The following DPT variants were observed in gnomAD, a reference collection of about 807,000 sequenced individuals.
The protein encoded by DPT is tyrosine-rich acidic matrix protein.
In DPT, 21 loss-of-function variants were observed where a neutral mutation model predicts 31.2. The ratio of observed to expected loss-of-function variants is 0.67; its 90% confidence interval spans 0.48 to 0.97. The LOEUF (loss-of-function observed/expected upper bound fraction) is 0.97. Ranked by LOEUF, DPT falls within the 50% of genes least tolerant of loss-of-function variation. The pLI, the probability that DPT is intolerant of heterozygous loss-of-function variation, is 0.00. For missense variants in DPT, 262 were observed against 258.8 expected, an observed-to-expected ratio of 1.01 and a Z score of -0.08; for synonymous variants, 91 against 86.9, an observed-to-expected ratio of 1.05 and a Z score of -0.26.
At chr1:168,706,806 C>G (rs1246319067) in intron 2 of DPT, among the ~76,000 whole-genome samples, 1 of 152,228 alleles carries the variant, frequency 6.6e-6, no homozygotes, top group Admixed American at 6.5e-5. Flanking sequence ...CCAAATTGCT[C>G]TCTTGGAACT....
chr1:168,728,943 T>A lies in DPT; in HGVS notation c.232A>T (p.Met78Leu). ...TCCCCGAGGCTCTGTGGCGTGGGCA[T>A]GCAGGCGTAGTTCCATTGTCTGTCA... ...GSDRQWNYAC[M>L]PTPQSLGEPT... Residue 78 changes from methionine to leucine, a missense_variant, in exon 1 of 4, where the codon ATG (methionine) becomes TTG (leucine). Transcript: ENST00000367817. 6.2e-7 allele frequency: 1 copy of A among 1,614,212 alleles called. No individual in the cohort carries two copies. Among genetic ancestry groups the A allele is most frequent in the Non-Finnish European group, 8.5e-7 (1 of 1,180,038 alleles).
At chr1:168,699,143 T>C (rs1211369290) in intron 3 of DPT, among the ~76,000 whole-genome samples, 1 of 152,220 alleles carries the variant, frequency 6.6e-6, no homozygotes, top group Non-Finnish European at 1.5e-5. Flanking sequence ...GATGGCACTC[T>C]TCCTTTACTG....
intron 1 of DPT, among the ~76,000 whole-genome samples, chr1:168,721,109 A>G (rs1462599012): frequency 6.6e-6 from 1 of 152,226 alleles, no homozygotes; most frequent in Non-Finnish European, 1.5e-5. Flanking sequence ...GGTACCAAAG[A>G]CAGAGGAGCA....
chr1:168,716,439 G>T (rs1649987946), intron 1 of DPT, among the ~76,000 whole-genome samples: 3 of 151,786 alleles, frequency 2.0e-5, no homozygotes, highest in Admixed American at 2.0e-4. Context: ...CAGTAATGCA[G>T]GTTAAGGTGT....
intron 2 of DPT, among the ~76,000 whole-genome samples, chr1:168,702,667 A>G (rs1290627107): frequency 7.1e-6 from 1 of 141,772 alleles, no homozygotes; most frequent in Non-Finnish European, 1.5e-5. Context: ...GCTGTTGCAC[A>G]CTGGTGCAAT....
chr1:168,711,242 G>A (rs991511319), intron 2 of DPT, among the ~76,000 whole-genome samples: 2 of 151,042 alleles, frequency 1.3e-5, no homozygotes, highest in East Asian at 3.9e-4. Flanking sequence ...GCATGGTCTC[G>A]ATCTCCTGAC....
chr1:168,707,971 G>T (rs1173000419), intron 2 of DPT, among the ~76,000 whole-genome samples: 1 of 151,996 alleles, frequency 6.6e-6, no homozygotes, highest in Non-Finnish European at 1.5e-5. Context: ...CATCTGCAGG[G>T]GATTGATTCC....
At chr1:168,724,371 C>T (rs766005888) in intron 1 of DPT, among the ~76,000 whole-genome samples, 1 of 152,176 alleles carries the variant, frequency 6.6e-6, no homozygotes, top group African/African-American at 2.4e-5. Context: ...GGCCTCCTTG[C>T]GGAGGGCCGT....
chr1:168,712,436 C>T (rs1314276713), intron 2 of DPT, among the ~76,000 whole-genome samples: 1 of 152,232 alleles, frequency 6.6e-6, no homozygotes, highest in African/African-American at 2.4e-5. Context: ...GAAAGTTATA[C>T]TAATGTAGTA....
At position 168,696,152 on chromosome 1, in the gene DPT, T is replaced by G. The variant is rs1649460354; in HGVS notation, c.*397A>C. ...AGGCTTAGCTGTAGAGAACCTTCAC[T>G]GCACCTCTCCTCCAGTTCTGCCTCT... On this transcript the variant is annotated 3_prime_UTR_variant, in exon 4 of 4. Coordinates refer to ENST00000367817, the MANE Select transcript of DPT (RefSeq NM_001937.5). The G allele has an allele frequency of 4.8e-6, 2 of 417,488 alleles. No homozygotes were observed. 25.9% of individuals were successfully genotyped at this position (417,488 alleles called of 1,614,324 possible). A position where few individuals can be genotyped will look rare whatever the true frequency, so the allele number is the denominator to read the frequency against.
chr1:168,703,418 C>A (rs586318), intron 2 of DPT, among the ~76,000 whole-genome samples: 95,575 of 152,132 alleles, frequency 0.63, 31,638 homozygotes, highest in African/African-American at 0.85. Context: ...AATGTTATTT[C>A]ATGCTTTCTT....
intron 2 of DPT, among the ~76,000 whole-genome samples, chr1:168,707,683 G>T (rs371943050): frequency 1.3e-5 from 2 of 152,168 alleles, no homozygotes; most frequent in Admixed American, 1.3e-4. Context: ...TAATCAAGAG[G>T]ACGGTCACTC....
intron 1 of DPT, among the ~76,000 whole-genome samples, chr1:168,728,034 G>A (rs1468771384): frequency 6.6e-6 from 1 of 152,134 alleles, no homozygotes; most frequent in Non-Finnish European, 1.5e-5. Flanking sequence ...CAGCCTAGCA[G>A]TCAGTGCCTA....
Position 168,714,271 on chromosome 1 carries a change from C to A in DPT, c.381G>T (p.Glu127Asp), listed in dbSNP as rs765013846. ...TGTAGCGACAACAGTAAAACTGCCACTCCCGATCCAGCACTGACTCGAAGT... is the reference window on the plus strand; with the variant it reads ...TGTAGCGACAACAGTAAAACTGCCAATCCCGATCCAGCACTGACTCGAAGT... ...SRYFESVLDR[E>D]WQFYCCRYSK... The change falls in exon 2 of 4, where the codon GAG (glutamate) becomes GAT (aspartate). Residue 127 changes from glutamate (E) to aspartate (D), a missense_variant. By Grantham distance (45) the Glu-to-Asp change is conservative. Coordinates refer to ENST00000367817, the MANE Select transcript of DPT (RefSeq NM_001937.5). 5 of 1,613,978 alleles carry A rather than the reference C, an allele frequency of 3.1e-6. No homozygotes were observed. The highest frequency in any genetic ancestry group is 4.2e-6 in the Non-Finnish European group (5 of 1,180,006).
At chr1:168,700,890 C>T (rs1014690573) in intron 3 of DPT, 127 bp downstream of exon 3, 15 of 540,050 alleles carry the variant, frequency 2.8e-5, no homozygotes, top group South Asian at 4.5e-5. Flanking sequence ...TTGTATTCTA[C>T]GTGTGTGTGT....
In DPT at chr1:168,695,951, C is replaced by G. The variant is rs151333980; in HGVS notation, c.*598G>C. On this transcript the variant is annotated 3_prime_UTR_variant, in exon 4 of 4. Coordinates refer to ENST00000367817, the MANE Select transcript of DPT (RefSeq NM_001937.5). Reference sequence around the variant, plus strand: ...AATCCTTCCAACCCTGTTTTCAGCTCTGCCTCCAAACCCTTCCATTTCCCC... The same window carrying G: ...AATCCTTCCAACCCTGTTTTCAGCTGTGCCTCCAAACCCTTCCATTTCCCC... 243 of 380,844 alleles carry G rather than the reference C, an allele frequency of 6.4e-4. 1 individual carries two copies. Among genetic ancestry groups the G allele is most frequent in the African/African-American group, 4.6e-3 (221 of 48,440 alleles). 23.6% of individuals were successfully genotyped at this position (380,844 alleles called of 1,614,324 possible). A position where few individuals can be genotyped will look rare whatever the true frequency, so the allele number is the denominator to read the frequency against.
At chr1:168,698,599 C>A (rs545531264) in intron 3 of DPT, among the ~76,000 whole-genome samples, 1 of 152,174 alleles carries the variant, frequency 6.6e-6, no homozygotes, top group East Asian at 1.9e-4. Flanking sequence ...ACAGTGGGGG[C>A]AAATTTGCTC....
chr1:168,701,034 A>G lies in DPT; in HGVS notation c.522T>C (p.Thr174=). Residue 174 remains threonine (T), a synonymous_variant, in exon 3 of 4, where the codon ACT becomes ACC. Coordinates refer to ENST00000367817, the MANE Select transcript of DPT (RefSeq NM_001937.5). ...YDYYIRGATT[T]FSAVERDRQW... is the part of the protein sequence containing the mutation. Reference sequence around the variant, plus strand: ...TTTCTCACCTTTCCACTGCAGAGAAAGTGGTTGTTGCTCCTCGGATATAGT... The same window carrying G: ...TTTCTCACCTTTCCACTGCAGAGAAGGTGGTTGTTGCTCCTCGGATATAGT... The G allele has an allele frequency of 6.2e-7, 1 of 1,613,660 alleles. No individual in the cohort carries two copies. Among genetic ancestry groups the G allele is most frequent in the Non-Finnish European group, 8.5e-7 (1 of 1,179,704 alleles).
intron 2 of DPT, among the ~76,000 whole-genome samples, chr1:168,706,399 T>C (rs184698543): frequency 3.3e-4 from 50 of 152,380 alleles, no homozygotes; most frequent in Non-Finnish European, 5.7e-4. Context: ...CTATAAGGAA[T>C]GAACATATTT....
Sources: allele counts gnomAD v4.1 joint callset (sites outside exome capture counted in the v4.1 genomes callset), GRCh38; gene constraint gnomAD v4.1.1; transcripts MANE v1.5; gene names NCBI Gene and HGNC (gene_info 2026-07-23, HGNC 2026-07-21).